The following PAM variants were observed in gnomAD, a reference collection of about 807,000 sequenced individuals.
PAM encodes peptidylglycine alpha-amidating monooxygenase, also known as peptidyl-glycine alpha-amidating monooxygenase.
PAM carries 72 observed loss-of-function variants against 122.1 expected under a neutral mutation model. That is an observed-to-expected ratio of 0.59 (90% CI 0.49 to 0.72). The LOEUF (loss-of-function observed/expected upper bound fraction) is 0.72, where lower values mean the gene tolerates loss of function less well. Among genes scored for constraint, PAM ranks in the 30% least tolerant of loss-of-function variants. The probability of loss-of-function intolerance (pLI) is 0.00; values close to 1 mark genes in which losing one functional copy is unlikely to be tolerated. For synonymous variants in PAM, 389 were observed against 404.4 expected (o/e 0.96, Z 0.46); for missense variants, 1,106 against 1,183.7 (o/e 0.93, Z 0.96).
intron 3 of PAM, among the ~76,000 whole-genome samples, chr5:102,899,199 A>G (rs1796995450): frequency 6.6e-6 from 1 of 151,706 alleles, no homozygotes; most frequent in African/African-American, 2.4e-5. Flanking sequence ...ACAAATTGCT[A>G]GAAGAAAGAC....
chr5:102,979,643 T>C (rs1162525603), intron 15 of PAM, among the ~76,000 whole-genome samples: 3 of 152,090 alleles, frequency 2.0e-5, no homozygotes, highest in Non-Finnish European at 4.4e-5. Context: ...CTGTTAGTCT[T>C]TAGGTAACAC....
chr5:102,997,514 CA>C (rs959549316), intron 16 of PAM, among the ~76,000 whole-genome samples: 67 of 146,174 alleles, frequency 4.6e-4, no homozygotes, highest in Non-Finnish European at 5.5e-4. Context: ...GACCCTGTCT[CA>C]AAAAAAAAAA....
At chr5:102,760,291 T>C (rs943074274) in intron 1 of PAM, among the ~76,000 whole-genome samples, 2 of 152,130 alleles carry the variant, frequency 1.3e-5, no homozygotes, top group South Asian at 4.1e-4. Flanking sequence ...TTTCAGGACA[T>C]TGGCACAACT....
At chr5:102,993,209 C>T (rs1035757077) in intron 16 of PAM, among the ~76,000 whole-genome samples, 2 of 152,050 alleles carry the variant, frequency 1.3e-5, no homozygotes, top group Non-Finnish European at 1.5e-5. Flanking sequence ...ATGCCTATTG[C>T]CAGCAGGGTG....
At chr5:102,810,815 C>T (rs193138345) in intron 1 of PAM, among the ~76,000 whole-genome samples, 7 of 151,674 alleles carry the variant, frequency 4.6e-5, no homozygotes, top group South Asian at 2.1e-4. Flanking sequence ...GCAACAAGAG[C>T]GAAACTCCAT....
intron 1 of PAM, among the ~76,000 whole-genome samples, chr5:102,820,525 A>G (rs558786303): frequency 1.3e-5 from 2 of 152,310 alleles, no homozygotes; most frequent in Non-Finnish European, 2.9e-5. Flanking sequence ...GATACATTTA[A>G]GATATTGGAA....
intron 3 of PAM, among the ~76,000 whole-genome samples, chr5:102,893,929 G>A (rs1325756355): frequency 6.6e-6 from 1 of 151,658 alleles, no homozygotes; most frequent in Non-Finnish European, 1.5e-5. Flanking sequence ...GTTGTCTCAA[G>A]CTCTTCGGTT....
intron 21 of PAM, among the ~76,000 whole-genome samples, chr5:103,012,917 C>T (rs113742627): frequency 0.037 from 5,503 of 150,756 alleles, 340 homozygotes; most frequent in African/African-American, 0.13. Context: ...GTTCTCTATG[C>T]GATTCCATTG....
At chr5:102,770,541 T>C (rs1240008753) in intron 1 of PAM, among the ~76,000 whole-genome samples, 1 of 152,126 alleles carries the variant, frequency 6.6e-6, no homozygotes, top group Non-Finnish European at 1.5e-5. Flanking sequence ...GTGTTCCTTC[T>C]AGACCCAGTT....
intron 16 of PAM, among the ~76,000 whole-genome samples, chr5:102,999,558 C>A (rs1776737347): frequency 6.6e-6 from 1 of 152,244 alleles, no homozygotes; most frequent in Admixed American, 6.5e-5. Flanking sequence ...TTTCATACTG[C>A]CCTAGCAGAG....
chr5:102,827,149 T>C (rs1159870284), intron 1 of PAM, among the ~76,000 whole-genome samples: 1 of 152,256 alleles, frequency 6.6e-6, no homozygotes, highest in Non-Finnish European at 1.5e-5. Context: ...AGACAGCTCT[T>C]ATTTCCCTGG....
intron 16 of PAM, among the ~76,000 whole-genome samples, chr5:102,995,760 T>C (rs1775522895): frequency 6.6e-6 from 1 of 152,102 alleles, no homozygotes; most frequent in Non-Finnish European, 1.5e-5. Flanking sequence ...TAAATAGTCA[T>C]ACTGAATTTT....
intron 1 of PAM, among the ~76,000 whole-genome samples, chr5:102,840,694 C>G (rs1472710745): frequency 1.3e-5 from 2 of 152,144 alleles, no homozygotes; most frequent in Non-Finnish European, 2.9e-5. Flanking sequence ...ATCACTCGTC[C>G]ATCTTCATGA....
Position 103,025,231 on chromosome 5 carries a change from G to A in PAM, c.2586G>A (p.Ser862=), listed in dbSNP as rs576022176. The change falls in exon 24 of 26, where the codon TCG becomes TCA. Residue 862 remains serine, a synonymous_variant. Transcript: ENST00000438793. ...EKQKLIKEPG[S]GVPVVLITTL... Reference sequence around the variant, plus strand: ...AGAAACTGATCAAAGAGCCAGGCTCGGGAGTGCCTGTTGTTCTCATTACAA... The same window carrying A: ...AGAAACTGATCAAAGAGCCAGGCTCAGGAGTGCCTGTTGTTCTCATTACAA... The A allele has an allele frequency of 1.1e-5, 17 of 1,613,262 alleles. 1 individual carries two copies. Among genetic ancestry groups the A allele is most frequent in the Admixed American group, 1.0e-4 (6 of 60,004 alleles).
At position 103,019,763 on chromosome 5, in the gene PAM, T is replaced by C. The variant is rs1276728817; in HGVS notation, c.2432-27T>C. The C allele has an allele frequency of 1.4e-5, 22 of 1,520,128 alleles. 1 individual carries two copies. In the Admixed American group the frequency reaches 3.4e-4, roughly 23 times the overall value. The allele number at this position is 1,520,128 out of a possible 1,614,324, so 94.2% of individuals were successfully genotyped here. Reference sequence around the variant, plus strand: ...ATGTTCTTTTTGGAGATTCTGACTTTTCTCTCTCCTTGTTGTGTTGTTACA... The same window carrying C: ...ATGTTCTTTTTGGAGATTCTGACTTCTCTCTCTCCTTGTTGTGTTGTTACA... On this transcript the variant is annotated intron_variant, in intron 22 of 25. Transcript: ENST00000438793.
chr5:102,757,886 G>GA lies in PAM; in HGVS notation c.-374+2547dup, dbSNP rs1035139223. ...CTTCTCTCTACAAAAAATATTAAAA[G>GA]AAAAAAAAAGCCAGGTGTGGTGGTG... On this transcript the variant is annotated intron_variant, in intron 1 of 25. Transcript: ENST00000438793. 2.5e-4 allele frequency among the ~76,000 whole-genome samples: 37 copies of GA among 148,574 alleles called. 1 individual carries two copies. The highest frequency in any genetic ancestry group is 8.4e-4 in the African/African-American group (34 of 40,514).
At chr5:102,961,330 C>A in intron 14 of PAM, 101 bp downstream of exon 14, 1 of 681,556 alleles carries the variant, frequency 1.5e-6, no homozygotes, top group South Asian at 1.7e-5. Flanking sequence ...CTCTCTGTAT[C>A]TGCCTCAAAC....
rs201056087 is a variant in PAM at position 102,864,184 on chromosome 5, ATT to A, written c.-373-1626_-373-1625del. ...TCTTCATATATATATATATATATAT[ATT>A]TTTTTTTTTTTTAAAGAACTTCAGG... On this transcript the variant is annotated intron_variant, in intron 1 of 25. Coordinates refer to ENST00000438793, the MANE Select transcript of PAM (RefSeq NM_001177306.2). Among the ~76,000 whole-genome samples, 650 of 133,654 alleles carry A rather than the reference ATT, an allele frequency of 4.9e-3. 9 individuals carry two copies. Among genetic ancestry groups the A allele is most frequent in the South Asian group, 7.3e-3 (31 of 4,236 alleles). 87.7% of individuals were successfully genotyped at this position (133,654 alleles called of 152,430 possible).
At chr5:102,850,491 G>T (rs1020925858) in intron 1 of PAM, among the ~76,000 whole-genome samples, 13 of 152,234 alleles carry the variant, frequency 8.5e-5, no homozygotes, top group Admixed American at 5.2e-4. Flanking sequence ...CTATTAGAGG[G>T]CTGTTCCATA....
Sources: allele counts gnomAD v4.1 joint callset (sites outside exome capture counted in the v4.1 genomes callset), GRCh38; gene constraint gnomAD v4.1.1; transcripts MANE v1.5; gene names NCBI Gene and HGNC (gene_info 2026-07-23, HGNC 2026-07-21).